The following AGAP1 variants were observed in gnomAD, a reference collection of about 807,000 sequenced individuals.
AGAP1 encodes ArfGAP with GTPase domain, ankyrin repeat and PH domain 1, also known as arf-GAP with GTPase, ANK repeat and PH domain-containing protein 1.
Under a neutral mutation model 105.3 loss-of-function variants are expected in AGAP1, and 29 were observed. The ratio of observed to expected loss-of-function variants is 0.28; its 90% CI spans 0.21 to 0.38. The LOEUF (loss-of-function observed/expected upper bound fraction) is 0.38, where lower values mean the gene tolerates loss of function less well. Ranked by LOEUF, AGAP1 falls within the 10% of genes least tolerant of loss-of-function variation. The pLI is 1.00. For missense variants in AGAP1, 998 were observed against 1,165.1 expected, an observed-to-expected ratio of 0.86 and a Z score of 2.09; for synonymous variants, 509 against 485.9, an observed-to-expected ratio of 1.05 and a Z score of -0.63.
rs1234641635 is a variant in AGAP1 at position 235,751,572 on chromosome 2, A to G, written c.673+1084A>G. Among the ~76,000 whole-genome samples, 6 of 152,124 alleles carry G rather than the reference A, an allele frequency of 3.9e-5. No individual in the cohort carries two copies. The highest frequency in any genetic ancestry group is 4.8e-5 in the African/African-American group (2 of 41,426). ...CTTCCTCCAAATGGGGCAATTTTCT[A>G]TTACATGTTTAAATTAGTCTTCAGA... On this transcript the variant is annotated intron_variant, in intron 6 of 17. Transcript: ENST00000304032. The surrounding 1 kb of genome is among the most constrained non-coding windows in gnomAD (Gnocchi z 5.3).
In AGAP1 at chr2:235,494,352, C is replaced by G. The variant is rs1159912027; in HGVS notation, c.-335C>G. On this transcript the variant is annotated 5_prime_UTR_variant, in exon 1 of 18. Coordinates refer to ENST00000304032, the MANE Select transcript of AGAP1 (RefSeq NM_001037131.3). ...AGCAGCGCCTAGGGCTGGAAGGCGGCTGCGGCTCAGGAAGTCACCCGAGCA... is the reference window on the plus strand; with the variant it reads ...AGCAGCGCCTAGGGCTGGAAGGCGGGTGCGGCTCAGGAAGTCACCCGAGCA... 7.0e-6 allele frequency: 1 copy of G among 143,668 alleles called. No homozygotes were observed. The highest frequency in any genetic ancestry group is 6.8e-5 in the Admixed American group (1 of 14,654). 8.9% of individuals were successfully genotyped at this position (143,668 alleles called of 1,614,324 possible).
chr2:235,671,114 G>C, intron 1 of AGAP1: 1 of 1,242,284 alleles, frequency 8.0e-7, no homozygotes, highest in Non-Finnish European at 1.0e-6. Context: ...GGACTTGCCG[G>C]TTCCGCAGCG....
chr2:235,542,914 A>AG (rs1268873664), intron 1 of AGAP1, among the ~76,000 whole-genome samples: 1 of 152,040 alleles, frequency 6.6e-6, no homozygotes, highest in African/African-American at 2.4e-5. Flanking sequence ...ACCCAAGGGG[A>AG]GGGGTCCAGT....
At chr2:235,808,757 T>C (rs754188977) in intron 9 of AGAP1, among the ~76,000 whole-genome samples, 3 of 152,164 alleles carry the variant, frequency 2.0e-5, no homozygotes, top group Non-Finnish European at 4.4e-5. Flanking sequence ...ATATATGGAT[T>C]GGCCCGGGGC....
At chr2:235,896,758 A>G (rs968890876) in intron 10 of AGAP1, among the ~76,000 whole-genome samples, 1 of 152,244 alleles carries the variant, frequency 6.6e-6, no homozygotes, top group Non-Finnish European at 1.5e-5. Flanking sequence ...AAAGCCAAGG[A>G]ATTAGGCCGC....
At chr2:235,656,779 T>C (rs1367292250) in intron 1 of AGAP1, among the ~76,000 whole-genome samples, 1 of 152,176 alleles carries the variant, frequency 6.6e-6, no homozygotes, top group Admixed American at 6.5e-5. Flanking sequence ...TGCTGAGAAT[T>C]AAAAAGAAAA....
Position 235,620,281 on chromosome 2 carries a change from C to T in AGAP1, c.164-88898C>T, listed in dbSNP as rs909704144. ...GGTCCCGGGCAGCAGCGTTGCTTGGCGGATTACTGCTCACCTCTTCAAGCC... is the reference window on the plus strand; with the variant it reads ...GGTCCCGGGCAGCAGCGTTGCTTGGTGGATTACTGCTCACCTCTTCAAGCC... On this transcript the variant is annotated intron_variant, in intron 1 of 17. Transcript: ENST00000304032. This position sits in a 1 kb window ranked among gnomAD's most constrained non-coding sequence, Gnocchi z 4.5. Among the ~76,000 whole-genome samples, 12 of 152,128 alleles carry T rather than the reference C, an allele frequency of 7.9e-5. No homozygotes were observed. The highest frequency in any genetic ancestry group is 4.8e-5 in the African/African-American group (2 of 41,430).
At chr2:235,784,159 A>G (rs551713592) in intron 6 of AGAP1, among the ~76,000 whole-genome samples, 1 of 152,314 alleles carries the variant, frequency 6.6e-6, no homozygotes, top group Non-Finnish European at 1.5e-5. Context: ...TTACTACATT[A>G]AAAATGTCAT....
chr2:235,817,898 A>G (rs905807209), intron 9 of AGAP1, among the ~76,000 whole-genome samples: 2 of 152,240 alleles, frequency 1.3e-5, no homozygotes, highest in Admixed American at 6.5e-5. Flanking sequence ...CTCAAAAAAA[A>G]GAAGAGTTTG....
At chr2:235,684,731 CATCCATGGCTGCTTGAG>C (rs1235977958) in intron 1 of AGAP1, among the ~76,000 whole-genome samples, 5 of 152,140 alleles carry the variant, frequency 3.3e-5, no homozygotes, top group Non-Finnish European at 7.3e-5. Context: ...TACTGTTTAC[CATCCATGGCTGCTTGAG>C]TTTTTAGAGC....
At chr2:235,606,725 A>G (rs1389751993) in intron 1 of AGAP1, among the ~76,000 whole-genome samples, 1 of 152,142 alleles carries the variant, frequency 6.6e-6, no homozygotes, top group Middle Eastern at 3.2e-3. Context: ...AGACGGGCAG[A>G]TCACCTGAGG....
intron 6 of AGAP1, among the ~76,000 whole-genome samples, chr2:235,775,084 A>AGG (rs899767578): frequency 1.3e-5 from 2 of 152,194 alleles, no homozygotes; most frequent in African/African-American, 4.8e-5. Flanking sequence ...GGTGAACAGA[A>AGG]GGGGCATCGG....
At chr2:235,847,318 C>A (rs942172814) in intron 9 of AGAP1, among the ~76,000 whole-genome samples, 1 of 152,220 alleles carries the variant, frequency 6.6e-6, no homozygotes, top group African/African-American at 2.4e-5. Context: ...GCTTTTGACT[C>A]TATCCCAAAA....
Position 235,494,863 on chromosome 2 carries a change from C to G in AGAP1, c.163+14C>G, listed in dbSNP as rs758157394. ...TCGCCATCGAAGGTGAGGGCCGGGC[C>G]GCCTTGGGGCCTCGGGAAGGCACGG... is the stretch of plus-strand genomic sequence containing the variant. On this transcript the variant is annotated intron_variant, in intron 1 of 17. Coordinates refer to ENST00000304032, the MANE Select transcript of AGAP1 (RefSeq NM_001037131.3). 6.4e-7 allele frequency: 1 copy of G among 1,557,244 alleles called. No individual in the cohort carries two copies. The highest frequency in any genetic ancestry group is 2.6e-5 in the East Asian group (1 of 38,158).
Position 235,709,159 on chromosome 2 carries a change from T to G in AGAP1, c.164-20T>G, listed in dbSNP as rs1233543128. On this transcript the variant is annotated intron_variant, in intron 1 of 17. Coordinates refer to ENST00000304032, the MANE Select transcript of AGAP1 (RefSeq NM_001037131.3). ...TTACGTGAGTTATGGTGTCTGACTT[T>G]GTGTCCTCCTCTTTTTCAGATGCCT... 1 of 1,613,768 alleles carries G rather than the reference T, an allele frequency of 6.2e-7. No individual in the cohort carries two copies. The highest frequency in any genetic ancestry group is 8.5e-7 in the Non-Finnish European group (1 of 1,179,818).
At chr2:235,758,432 G>A (rs530842364) in intron 6 of AGAP1, among the ~76,000 whole-genome samples, 6 of 152,236 alleles carry the variant, frequency 3.9e-5, no homozygotes, top group Non-Finnish European at 1.5e-5. Context: ...TGGTGCAGCT[G>A]GTGTCAGGCG....
At position 235,754,290 on chromosome 2, in the gene AGAP1, C is replaced by A. The variant is rs1281406435; in HGVS notation, c.673+3802C>A. Reference sequence around the variant, plus strand: ...TGCCTGCTCGCCGACTCAGTTTATTCACATTTCTTGATAACTCTCTGGCTT... The same window carrying A: ...TGCCTGCTCGCCGACTCAGTTTATTAACATTTCTTGATAACTCTCTGGCTT... On this transcript the variant is annotated intron_variant, in intron 6 of 17. Coordinates refer to ENST00000304032, the MANE Select transcript of AGAP1 (RefSeq NM_001037131.3). The surrounding 1 kb of genome is among the most constrained non-coding windows in gnomAD (Gnocchi z 4.6). 1.3e-5 allele frequency among the ~76,000 whole-genome samples: 2 copies of A among 152,216 alleles called. No individual in the cohort carries two copies. Among genetic ancestry groups the A allele is most frequent in the East Asian group, 3.8e-4 (2 of 5,196 alleles).
Position 235,787,099 on chromosome 2 carries a change from C to T in AGAP1, c.674-10660C>T, listed in dbSNP as rs1956689587. Among the ~76,000 whole-genome samples the T allele has an allele frequency of 6.6e-6, 1 of 152,244 alleles. No individual in the cohort carries two copies. The highest frequency in any genetic ancestry group is 1.5e-5 in the Non-Finnish European group (1 of 68,054). ...GAGCTGGCCTGGGGCCGTGGCCCCA[C>T]AGGCTTGTGATCAGTGGGCTCCGGT... On this transcript the variant is annotated intron_variant, in intron 6 of 17. Coordinates refer to ENST00000304032, the MANE Select transcript of AGAP1 (RefSeq NM_001037131.3). The surrounding 1 kb of genome is among the most constrained non-coding windows in gnomAD (Gnocchi z 4.4).
chr2:235,997,528 C>G (rs972996827), intron 13 of AGAP1, among the ~76,000 whole-genome samples: 2 of 152,146 alleles, frequency 1.3e-5, no homozygotes, highest in African/African-American at 4.8e-5. Flanking sequence ...TTTGTGAGGC[C>G]TGGAGCCCTG....
Sources: gnomAD v4.1 joint callset for allele counts (sites outside exome capture counted in the v4.1 genomes callset) on GRCh38, gnomAD v4.1.1 for gene constraint, Gnocchi (gnomAD v3.1) non-coding constraint, MANE v1.5 for transcripts, NCBI Gene and HGNC (gene_info 2026-07-23, HGNC 2026-07-21) for gene names.